The following NECAB1 variants were observed in gnomAD, a reference collection of about 807,000 sequenced individuals.
NECAB1 encodes N-terminal EF-hand calcium binding protein 1.
A neutral mutation model predicts 57.5 loss-of-function variants in NECAB1; 29 were observed. That is an observed-to-expected ratio of 0.50 (90% confidence interval 0.38 to 0.69). The LOEUF (loss-of-function observed/expected upper bound fraction) is 0.69. Among genes scored for constraint, NECAB1 ranks in the 30% least tolerant of loss-of-function variants. The pLI, the probability that NECAB1 is intolerant of heterozygous loss-of-function variation, is 0.00. For missense variants in NECAB1, 372 were observed against 413.8 expected (o/e 0.90, Z 0.88); for synonymous variants, 142 against 147.7 (o/e 0.96, Z 0.28).
intron 1 of NECAB1, 138 bp from the exon 2 acceptor site, chr8:90,801,553 G>T (rs945760260): frequency 1.5e-6 from 1 of 651,608 alleles, no homozygotes; most frequent in African/African-American, 1.9e-5. Context: ...ATATTATAAA[G>T]AAAGATCTCA....
chr8:90,942,302 G>T (rs560833542), intron 10 of NECAB1, among the ~76,000 whole-genome samples: 1 of 152,250 alleles, frequency 6.6e-6, no homozygotes, highest in Admixed American at 6.5e-5. Context: ...TCACTATTGC[G>T]TTTACTACTG....
intron 6 of NECAB1, among the ~76,000 whole-genome samples, chr8:90,924,908 A>G (rs1268069477): frequency 6.6e-6 from 1 of 151,960 alleles, no homozygotes; most frequent in Non-Finnish European, 1.5e-5. Context: ...GATAATTTAG[A>G]AGGTGTTTAC....
rs1489604201 is a variant in NECAB1, at chr8:90,813,232, TATACACACAC to T, written c.125-11483_125-11474del. The T allele has an allele frequency of 1.0e-3, 51 of 49,516 alleles. 1 individual carries two copies. Among genetic ancestry groups the T allele is most frequent in the African/African-American group, 3.5e-3 (37 of 10,442 alleles). 3.1% of individuals were successfully genotyped at this position (49,516 alleles called of 1,614,324 possible). On this transcript the variant is annotated intron_variant, in intron 2 of 12. Coordinates refer to ENST00000417640, the MANE Select transcript of NECAB1 (RefSeq NM_022351.5). ...ATAAATAAATATATATATATGTATA[TATACACACAC>T]ACACACACACACACACACACACACA...
rs1284196542 is a variant in NECAB1, at chr8:90,954,920, A to G, written c.1031-567A>G. ...TATGCATATATGTATGTGTATACAA[A>G]TGCATATGTATTATATGTATACATA... On this transcript the variant is annotated intron_variant, in intron 12 of 12. Coordinates refer to ENST00000417640, the MANE Select transcript of NECAB1 (RefSeq NM_022351.5). 4.1e-5 allele frequency among the ~76,000 whole-genome samples: 6 copies of G among 147,828 alleles called. No homozygotes were observed. The South Asian group carries it at 8.4e-4, about 21-fold the overall frequency.
At chr8:90,928,350 AC>A in intron 8 of NECAB1, 51 bp downstream of exon 8, 1 of 1,368,608 alleles carries the variant, frequency 7.3e-7, no homozygotes, top group Non-Finnish European at 1.0e-6. Flanking sequence ...AGATATTGTT[AC>A]CTAATATTCC....
intron 5 of NECAB1, among the ~76,000 whole-genome samples, chr8:90,888,449 A>G (rs536502763): frequency 6.6e-6 from 1 of 152,326 alleles, no homozygotes; most frequent in South Asian, 2.1e-4. Flanking sequence ...TCCTTCTGTC[A>G]CGAGAATTAA....
At position 90,927,851 on chromosome 8, in the gene NECAB1, T is replaced by C. The variant is rs910289795; in HGVS notation, c.617-372T>C. 2.0e-5 allele frequency among the ~76,000 whole-genome samples: 3 copies of C among 151,184 alleles called. No individual in the cohort carries two copies. In the East Asian group the frequency reaches 5.8e-4, roughly 29 times the overall value. On this transcript the variant is annotated intron_variant, in intron 7 of 12. Transcript: ENST00000417640. ...ATTTACACCTTGCTATGGTCAGGGGTATGATTTCACTAGCTCTTGCCACTG... is the reference window on the plus strand; with the variant it reads ...ATTTACACCTTGCTATGGTCAGGGGCATGATTTCACTAGCTCTTGCCACTG...
chr8:90,803,751 T>G (rs1355638777), intron 2 of NECAB1, among the ~76,000 whole-genome samples: 3 of 152,178 alleles, frequency 2.0e-5, no homozygotes, highest in Non-Finnish European at 2.9e-5. Context: ...CTGCAGCTGC[T>G]GAAGCACTCA....
intron 6 of NECAB1, among the ~76,000 whole-genome samples, chr8:90,920,657 T>C (rs1422006811): frequency 6.6e-6 from 1 of 152,200 alleles, no homozygotes; most frequent in Non-Finnish European, 1.5e-5. Context: ...TTGTCACTGA[T>C]TGGACAGTAC....
chr8:90,848,221 A>G (rs1812605586), intron 3 of NECAB1, among the ~76,000 whole-genome samples: 1 of 152,250 alleles, frequency 6.6e-6, no homozygotes, highest in Non-Finnish European at 1.5e-5. Flanking sequence ...AAAGCATAAT[A>G]AGAGTCACCT....
chr8:90,921,680 A>T (rs1810117477), intron 6 of NECAB1, among the ~76,000 whole-genome samples: 1 of 151,976 alleles, frequency 6.6e-6, no homozygotes, highest in Non-Finnish European at 1.5e-5. Flanking sequence ...ATCTCAAAAA[A>T]AAAACAAAAA....
intron 4 of NECAB1, among the ~76,000 whole-genome samples, chr8:90,879,127 T>C (rs1808788664): frequency 1.4e-5 from 2 of 141,816 alleles, no homozygotes; most frequent in South Asian, 2.1e-4. Flanking sequence ...GATATCTATA[T>C]ATAATATATA....
In NECAB1 at chr8:90,849,377, G is replaced by T. The variant is rs147254405; in HGVS notation, c.234-22751G>T. 2.9e-4 allele frequency among the ~76,000 whole-genome samples: 44 copies of T among 152,122 alleles called. No individual in the cohort carries two copies. The East Asian group carries it at 7.6e-3, about 26-fold the overall frequency. On this transcript the variant is annotated intron_variant, in intron 3 of 12. Coordinates refer to ENST00000417640, the MANE Select transcript of NECAB1 (RefSeq NM_022351.5). Reference sequence around the variant, plus strand: ...CCAGCTGCTTGGGAGGCTGAGGTGGGAGGATCACTTGAGCCCAGGAGTTCA... The same window carrying T: ...CCAGCTGCTTGGGAGGCTGAGGTGGTAGGATCACTTGAGCCCAGGAGTTCA...
chr8:90,922,147 G>A (rs1810129551), intron 6 of NECAB1, among the ~76,000 whole-genome samples: 1 of 152,176 alleles, frequency 6.6e-6, no homozygotes, highest in Non-Finnish European at 1.5e-5. Context: ...TTCCCCCTAG[G>A]GGTCCCCTAT....
intron 2 of NECAB1, among the ~76,000 whole-genome samples, chr8:90,803,422 A>C (rs1391881689): frequency 6.6e-6 from 1 of 151,940 alleles, no homozygotes; most frequent in Non-Finnish European, 1.5e-5. Flanking sequence ...CTATACTTTC[A>C]TTTCCTAGAC....
At chr8:90,894,787 G>A (rs1045754187) in intron 5 of NECAB1, among the ~76,000 whole-genome samples, 1 of 152,182 alleles carries the variant, frequency 6.6e-6, no homozygotes, top group African/African-American at 2.4e-5. Flanking sequence ...ATTCAACAGA[G>A]CAGCTAACTA....
intron 5 of NECAB1, among the ~76,000 whole-genome samples, chr8:90,907,143 TGTGTGTGTGAGAGAGAGAGA>T (rs1326322563): frequency 1.7e-4 from 18 of 106,624 alleles, no homozygotes; most frequent in African/African-American, 8.1e-4. Flanking sequence ...TGTGTGTGTG[TGTGTGTGTGAGAGAGAGAGA>T]GAGAGAGAGA....
Position 90,956,867 on chromosome 8 carries a change from TATAA to T in NECAB1, c.*1361_*1364del, listed in dbSNP as rs2130289320. The T allele has an allele frequency of 1.3e-5, 2 of 152,528 alleles. No individual in the cohort carries two copies. The highest frequency in any genetic ancestry group is 1.9e-4 in the East Asian group (1 of 5,168). The allele number at this position is 152,528 out of a possible 1,614,324, so 9.4% of individuals were successfully genotyped here. Reference sequence around the variant, plus strand: ...TTGTATACTCTCAGTTCTCATTCAGTATAAATAAAATTTTAAAATCCTTTCATAG... The same window carrying T: ...TTGTATACTCTCAGTTCTCATTCAGTATAAAATTTTAAAATCCTTTCATAG... On this transcript the variant is annotated 3_prime_UTR_variant, in exon 13 of 13. Coordinates refer to ENST00000417640, the MANE Select transcript of NECAB1 (RefSeq NM_022351.5).
At position 90,836,546 on chromosome 8, in the gene NECAB1, T is replaced by A. The variant is rs779304956; in HGVS notation, c.233+11721T>A. Reference sequence around the variant, plus strand: ...GTGGTGGGCCATAGGGTTTTATCATTTACATAACTAACTTTTCCTCAATCT... The same window carrying A: ...GTGGTGGGCCATAGGGTTTTATCATATACATAACTAACTTTTCCTCAATCT... On this transcript the variant is annotated intron_variant, in intron 3 of 12. Coordinates refer to ENST00000417640, the MANE Select transcript of NECAB1 (RefSeq NM_022351.5). Among the ~76,000 whole-genome samples the A allele has an allele frequency of 1.9e-4, 29 of 152,218 alleles. 1 individual carries two copies. The highest frequency in any genetic ancestry group is 3.5e-4 in the Non-Finnish European group (24 of 68,030).
Sources: gnomAD v4.1 joint callset for allele counts (sites outside exome capture counted in the v4.1 genomes callset) on GRCh38, gnomAD v4.1.1 for gene constraint, MANE v1.5 for transcripts, NCBI Gene and HGNC (gene_info 2026-07-23, HGNC 2026-07-21) for gene names.